NALF1: variants seen among roughly 807,000 people sequenced by gnomAD.
NALF1 encodes the protein family with sequence similarity 155 member A.
In NALF1, 3 loss-of-function variants were observed where a neutral mutation model predicts 48.4. The observed-to-expected ratio is 0.06, with a 90% CI of 0.03 to 0.16. The LOEUF is 0.16. Ranked by LOEUF, NALF1 falls within the 10% of genes least tolerant of loss-of-function variation. NALF1 has a pLI of 1.00. For missense variants in NALF1, 526 were observed against 571.5 expected (o/e 0.92, Z 0.81); for synonymous variants, 262 against 245.7 (o/e 1.07, Z -0.62).
intron 1 of NALF1, among the ~76,000 whole-genome samples, chr13:107,704,645 T>TAA (rs58514230): frequency 1.3e-5 from 2 of 152,070 alleles, no homozygotes; most frequent in South Asian, 2.1e-4. Context: ...GGGTTTATCC[T>TAA]AAAAAAAATC....
intron 1 of NALF1, among the ~76,000 whole-genome samples, chr13:107,722,656 A>T (rs1876019521): frequency 6.6e-6 from 1 of 152,150 alleles, no homozygotes; most frequent in South Asian, 2.1e-4. Flanking sequence ...AAGGCTTTGG[A>T]TCCAGAGAGA....
In NALF1 at chr13:107,362,349, G is replaced by A. The variant is rs527534528; in HGVS notation, c.916-151594C>T. On this transcript the variant is annotated intron_variant, in intron 1 of 2. Coordinates refer to ENST00000375915, the MANE Select transcript of NALF1 (RefSeq NM_001080396.3). This position sits in a 1 kb window ranked among gnomAD's most constrained non-coding sequence, Gnocchi z 4.6. ...AATGCATTGTCCAACAGTGCTGGAG[G>A]AGAACAGTCTGAAATCAAGGTGGTG... Among the ~76,000 whole-genome samples, 2 of 152,272 alleles carry A rather than the reference G, an allele frequency of 1.3e-5. No individual in the cohort carries two copies. Among genetic ancestry groups the A allele is most frequent in the South Asian group, 4.1e-4 (2 of 4,824 alleles).
intron 1 of NALF1, among the ~76,000 whole-genome samples, chr13:107,366,881 T>C (rs1361376878): frequency 2.6e-5 from 4 of 152,206 alleles, no homozygotes; most frequent in Admixed American, 2.6e-4. Context: ...CAGAAACACG[T>C]ACATACTTTT....
At chr13:107,568,264 G>C (rs1877876110) in intron 1 of NALF1, among the ~76,000 whole-genome samples, 1 of 152,156 alleles carries the variant, frequency 6.6e-6, no homozygotes. Context: ...TATAGGTGTG[G>C]GCCACCATAC....
At chr13:107,524,303 T>C (rs1876354007) in intron 1 of NALF1, among the ~76,000 whole-genome samples, 1 of 152,054 alleles carries the variant, frequency 6.6e-6, no homozygotes, top group Non-Finnish European at 1.5e-5. Flanking sequence ...TGATTGAAAA[T>C]GATTGTCTGC....
intron 1 of NALF1, among the ~76,000 whole-genome samples, chr13:107,570,702 C>A (rs1877962166): frequency 6.6e-6 from 1 of 151,680 alleles, no homozygotes; most frequent in Non-Finnish European, 1.5e-5. Flanking sequence ...GAAAGCATAT[C>A]ATTGGTACAT....
chr13:107,163,870 AG>A lies in NALF1; in HGVS notation c.*6626del, dbSNP rs1484033518. 6.6e-6 allele frequency: 1 copy of A among 152,194 alleles called. No individual in the cohort carries two copies. Among genetic ancestry groups the A allele is most frequent in the Admixed American group, 6.5e-5 (1 of 15,268 alleles). The allele number at this position is 152,194 out of a possible 1,614,324, so 9.4% of individuals were successfully genotyped here. ...GAAAATAAATGCCATATGCAGAAAA[AG>A]GTAGAAAAAGAAAACAAGAGAAAAA... On this transcript the variant is annotated 3_prime_UTR_variant, in exon 3 of 3. Transcript: ENST00000375915.
intron 1 of NALF1, among the ~76,000 whole-genome samples, chr13:107,252,920 T>A (rs1880732606): frequency 6.6e-6 from 1 of 152,220 alleles, no homozygotes; most frequent in Non-Finnish European, 1.5e-5. Flanking sequence ...CATATTTTAA[T>A]ATCACTTAGA....
intron 2 of NALF1, among the ~76,000 whole-genome samples, chr13:107,196,856 G>C (rs2138789842): frequency 6.6e-6 from 1 of 152,154 alleles, no homozygotes; most frequent in South Asian, 2.1e-4. Flanking sequence ...GTTGGGGGGA[G>C]GTGACCAAGT....
intron 1 of NALF1, among the ~76,000 whole-genome samples, chr13:107,621,338 T>C (rs576210845): frequency 2.0e-5 from 3 of 152,346 alleles, no homozygotes; most frequent in South Asian, 4.1e-4. Context: ...TGTGTGCACA[T>C]GCCTTTTATT....
At chr13:107,308,576 A>G (rs1881986395) in intron 1 of NALF1, among the ~76,000 whole-genome samples, 1 of 152,220 alleles carries the variant, frequency 6.6e-6, no homozygotes, top group African/African-American at 2.4e-5. Context: ...ATTGCTAACC[A>G]TATGAAAAAT....
chr13:107,391,932 T>A (rs112301282), intron 1 of NALF1, among the ~76,000 whole-genome samples: 15 of 152,282 alleles, frequency 9.9e-5, no homozygotes, highest in African/African-American at 3.6e-4. Context: ...CGGTCACTCT[T>A]ATTTGGCTCA....
intron 1 of NALF1, among the ~76,000 whole-genome samples, chr13:107,351,196 C>G (rs764623586): frequency 2.6e-5 from 4 of 152,164 alleles, no homozygotes; most frequent in Non-Finnish European, 5.9e-5. Flanking sequence ...ATTAACGATA[C>G]TGTACTGTAT....
At chr13:107,212,505 C>G (rs1464030613) in intron 1 of NALF1, among the ~76,000 whole-genome samples, 2 of 152,150 alleles carry the variant, frequency 1.3e-5, no homozygotes, top group African/African-American at 4.8e-5. Context: ...AGGAGGACAG[C>G]AAGAGGCTGC....
At chr13:107,367,669 C>G (rs983130318) in intron 1 of NALF1, among the ~76,000 whole-genome samples, 6 of 152,136 alleles carry the variant, frequency 3.9e-5, no homozygotes, top group Non-Finnish European at 8.8e-5. Flanking sequence ...AAGGGCTACA[C>G]GGGCAGAAGC....
intron 2 of NALF1, among the ~76,000 whole-genome samples, chr13:107,171,043 TAGA>T (rs746394793): frequency 4.6e-5 from 7 of 152,220 alleles, no homozygotes; most frequent in African/African-American, 7.2e-5. Context: ...GAATACAGAA[TAGA>T]AGATTTCATT....
intron 1 of NALF1, among the ~76,000 whole-genome samples, chr13:107,297,302 G>A (rs1881744997): frequency 6.6e-6 from 1 of 152,142 alleles, no homozygotes; most frequent in Non-Finnish European, 1.5e-5. Flanking sequence ...TTGCTAGAAT[G>A]TTTTAGTGAC....
At chr13:107,591,605 A>G (rs1259305287) in intron 1 of NALF1, among the ~76,000 whole-genome samples, 1 of 151,998 alleles carries the variant, frequency 6.6e-6, no homozygotes, top group Non-Finnish European at 1.5e-5. Flanking sequence ...GTTTGATTGT[A>G]CAGCCCTTCC....
intron 1 of NALF1, among the ~76,000 whole-genome samples, chr13:107,224,002 CATT>C (rs1402278717): frequency 6.6e-6 from 1 of 151,902 alleles, no homozygotes; most frequent in African/African-American, 2.4e-5. Context: ...ATAATCATAA[CATT>C]ATTGTTTAAT....
Sources: allele counts gnomAD v4.1 joint callset (sites outside exome capture counted in the v4.1 genomes callset), GRCh38; gene constraint gnomAD v4.1.1; non-coding constraint Gnocchi (gnomAD v3.1); transcripts MANE v1.5; gene names NCBI Gene and HGNC (gene_info 2026-07-23, HGNC 2026-07-21).